NLGN1: variants seen among roughly 807,000 people sequenced by gnomAD.
The protein encoded by NLGN1 is neuroligin 1.
A neutral mutation model predicts 65.5 loss-of-function variants in NLGN1; 12 were observed. The ratio of observed to expected loss-of-function variants is 0.18; its 90% CI spans 0.12 to 0.30. The LOEUF (loss-of-function observed/expected upper bound fraction) is 0.30. Among genes scored for constraint, NLGN1 ranks in the 10% least tolerant of loss-of-function variants. The pLI is 1.00. For synonymous variants in NLGN1, 350 were observed against 359.5 expected, an observed-to-expected ratio of 0.97 and a Z score of 0.30; for missense variants, 750 against 1,007.1, an observed-to-expected ratio of 0.74 and a Z score of 3.46.
intron 3 of NLGN1, among the ~76,000 whole-genome samples, chr3:173,662,851 A>T (rs1761130068): frequency 6.6e-6 from 1 of 151,934 alleles, no homozygotes; most frequent in African/African-American, 2.4e-5. Flanking sequence ...CCAACACAAA[A>T]TTTTCCTGCC....
chr3:173,689,385 T>C (rs1280887993), intron 3 of NLGN1, among the ~76,000 whole-genome samples: 1 of 152,134 alleles, frequency 6.6e-6, no homozygotes, highest in African/African-American at 2.4e-5. Context: ...CCCAATCTGC[T>C]TGTAGAGTTC....
intron 4 of NLGN1, among the ~76,000 whole-genome samples, chr3:174,117,885 A>G (rs1015530590): frequency 1.3e-5 from 2 of 152,208 alleles, no homozygotes; most frequent in Admixed American, 6.5e-5. Context: ...TATTTAACAT[A>G]CAATCTTAAC....
At chr3:174,115,116 T>A (rs1268520064) in intron 4 of NLGN1, among the ~76,000 whole-genome samples, 1 of 152,152 alleles carries the variant, frequency 6.6e-6, no homozygotes, top group East Asian at 1.9e-4. Flanking sequence ...TAATTATATT[T>A]TGATTTTTGT....
intron 4 of NLGN1, among the ~76,000 whole-genome samples, chr3:174,152,836 C>A (rs1423854326): frequency 6.6e-6 from 1 of 152,046 alleles, no homozygotes; most frequent in Non-Finnish European, 1.5e-5. Flanking sequence ...ACACGATAAT[C>A]CTAAACCATC....
chr3:174,022,319 A>G (rs1727906712), intron 4 of NLGN1, among the ~76,000 whole-genome samples: 1 of 152,096 alleles, frequency 6.6e-6, no homozygotes, highest in Non-Finnish European at 1.5e-5. Flanking sequence ...CGTGACATAA[A>G]CACTCCAGAA....
intron 4 of NLGN1, among the ~76,000 whole-genome samples, chr3:174,064,589 GATAC>G (rs1167638401): frequency 1.3e-5 from 2 of 149,530 alleles, no homozygotes; most frequent in African/African-American, 4.9e-5. Context: ...ATTAATGTAT[GATAC>G]ATATATTAAT....
At chr3:174,103,775 C>G (rs1713100728) in intron 4 of NLGN1, among the ~76,000 whole-genome samples, 1 of 151,994 alleles carries the variant, frequency 6.6e-6, no homozygotes, top group African/African-American at 2.4e-5. Flanking sequence ...ACTGTATGAC[C>G]TAGTCATACA....
chr3:173,913,118 C>A (rs1410415947), intron 4 of NLGN1, among the ~76,000 whole-genome samples: 2 of 152,112 alleles, frequency 1.3e-5, no homozygotes, highest in Non-Finnish European at 2.9e-5. Flanking sequence ...GCTCTGCAAA[C>A]ACTTTTGTGC....
intron 4 of NLGN1, chr3:173,920,503 A>G (rs955818981): frequency 4.6e-5 from 7 of 152,178 alleles, no homozygotes; most frequent in South Asian, 2.1e-4. Context: ...GAAGGGACAG[A>G]TGCTACCATA....
At chr3:173,912,809 T>G (rs1464866465) in intron 4 of NLGN1, among the ~76,000 whole-genome samples, 1 of 152,148 alleles carries the variant, frequency 6.6e-6, no homozygotes, top group Admixed American at 6.6e-5. Flanking sequence ...TATCACTGTA[T>G]AAAATACACA....
At chr3:173,798,288 G>A (rs1206559048) in intron 3 of NLGN1, among the ~76,000 whole-genome samples, 1 of 152,108 alleles carries the variant, frequency 6.6e-6, no homozygotes, top group East Asian at 1.9e-4. Flanking sequence ...TTGCTAACCA[G>A]TGAATAAAAC....
intron 4 of NLGN1, among the ~76,000 whole-genome samples, chr3:173,883,598 A>G (rs555248922): frequency 1.3e-4 from 20 of 152,142 alleles, no homozygotes; most frequent in African/African-American, 4.3e-4. Context: ...AAACTGCAAT[A>G]TCTACAAAGT....
rs748911027 is a variant in NLGN1, at chr3:174,234,985, C to CTTTTTTTTTTT, written c.647-40310_647-40300dup. 2.5e-3 allele frequency among the ~76,000 whole-genome samples: 167 copies of CTTTTTTTTTTT among 65,752 alleles called. 32 individuals are homozygous for CTTTTTTTTTTT. Among genetic ancestry groups the CTTTTTTTTTTT allele is most frequent in the African/African-American group, 0.012 (147 of 12,498 alleles). The allele number at this position is 65,752 out of a possible 152,430, so 43.1% of individuals were successfully genotyped here. ...GAGCTTTGTAAAATAAAGGAATCACCTTTTTTTTTTTTTTTTTTTTTTTTT... is the reference window on the plus strand; with the variant it reads ...GAGCTTTGTAAAATAAAGGAATCACCTTTTTTTTTTTTTTTTTTTTTTTTTTTTTTTTTTTT... On this transcript the variant is annotated intron_variant, in intron 4 of 6. Coordinates refer to ENST00000457714, the Ensembl canonical transcript of NLGN1.
chr3:173,667,622 A>ATTTTTTCTGAAATTCCCTT (rs1761888220), intron 3 of NLGN1, among the ~76,000 whole-genome samples: 1 of 151,780 alleles, frequency 6.6e-6, no homozygotes, highest in Non-Finnish European at 1.5e-5. Context: ...TTTGGTTGCT[A>ATTTTTTCTGAAATTCCCTT]TTTTTTCTGA....
chr3:173,900,968 G>T (rs1046364673), intron 4 of NLGN1, among the ~76,000 whole-genome samples: 22 of 151,946 alleles, frequency 1.4e-4, no homozygotes, highest in African/African-American at 4.3e-4. Context: ...TTAAGGCCAG[G>T]TCCTCTGACT....
At chr3:173,757,887 A>G (rs1777378345) in intron 3 of NLGN1, among the ~76,000 whole-genome samples, 1 of 152,070 alleles carries the variant, frequency 6.6e-6, no homozygotes, top group African/African-American at 2.4e-5. Flanking sequence ...AAGTAATAAA[A>G]TACATGATAT....
chr3:173,644,065 T>C (rs1415355712), intron 3 of NLGN1, among the ~76,000 whole-genome samples: 1 of 152,158 alleles, frequency 6.6e-6, no homozygotes, highest in Non-Finnish European at 1.5e-5. Flanking sequence ...AAGGTTAACC[T>C]GGGACACTCT....
chr3:173,664,359 A>G (rs183009387), intron 3 of NLGN1, among the ~76,000 whole-genome samples: 135 of 152,178 alleles, frequency 8.9e-4, no homozygotes, highest in Non-Finnish European at 6.5e-4. Flanking sequence ...CTTTTTACTG[A>G]GATGATTCTT....
At chr3:173,901,140 C>G (rs1288759763) in intron 4 of NLGN1, among the ~76,000 whole-genome samples, 1 of 151,720 alleles carries the variant, frequency 6.6e-6, no homozygotes, top group Non-Finnish European at 1.5e-5. Flanking sequence ...TATTTTTTCT[C>G]ACCTTCCAAA....
Sources: gnomAD v4.1 joint callset for allele counts (sites outside exome capture counted in the v4.1 genomes callset) on GRCh38, gnomAD v4.1.1 for gene constraint, MANE v1.5 for transcripts, NCBI Gene and HGNC (gene_info 2026-07-23, HGNC 2026-07-21) for gene names.